IL1RL1: variants seen among roughly 807,000 people sequenced by gnomAD.
IL1RL1 encodes the protein interleukin 1 receptor like 1, also known as interleukin-1 receptor-like 1.
IL1RL1 carries 32 observed loss-of-function variants against 50.9 expected under a neutral mutation model. The ratio of observed to expected loss-of-function variants is 0.63; its 90% CI spans 0.47 to 0.84. The LOEUF (loss-of-function observed/expected upper bound fraction) is 0.84, where lower values mean the gene tolerates loss of function less well. Among genes scored for constraint, IL1RL1 ranks in the 40% least tolerant of loss-of-function variants. The pLI, the probability that IL1RL1 is intolerant of heterozygous loss-of-function variation, is 0.00. For missense variants in IL1RL1, 773 were observed against 662.9 expected (o/e 1.17, Z -1.82); for synonymous variants, 275 against 236.0 (o/e 1.17, Z -1.51).
At chr2:102,347,515 T>C (rs1475356195) in intron 8 of IL1RL1, among the ~76,000 whole-genome samples, 1 of 152,230 alleles carries the variant, frequency 6.6e-6, no homozygotes, top group Non-Finnish European at 1.5e-5. Flanking sequence ...ACTTCCTCTC[T>C]GCACTTAGGC....
chr2:102,344,694 G>T (rs1196335826), intron 8 of IL1RL1: 2 of 889,062 alleles, frequency 2.2e-6, no homozygotes, highest in Admixed American at 6.2e-5. Flanking sequence ...CTAAATATTT[G>T]TTGACTGAAT....
At chr2:102,312,077 T>C (rs1258788614) in intron 1 of IL1RL1, among the ~76,000 whole-genome samples, 6 of 90,410 alleles carry the variant, frequency 6.6e-5, no homozygotes, top group African/African-American at 8.7e-5. Context: ...ATTGTTATAA[T>C]GTTATAACAT....
At chr2:102,340,420 C>A in intron 4 of IL1RL1, 148 bp downstream of exon 4, 1 of 718,624 alleles carries the variant, frequency 1.4e-6, no homozygotes, top group South Asian at 2.0e-5. Flanking sequence ...TGAGACCAGC[C>A]TGGCCAACAT....
intron 1 of IL1RL1, among the ~76,000 whole-genome samples, chr2:102,330,418 A>G (rs1677144153): frequency 6.6e-6 from 1 of 152,206 alleles, no homozygotes; most frequent in Admixed American, 6.5e-5. Context: ...TGCAATACAC[A>G]AACATGGCAC....
chr2:102,340,127 A>T lies in IL1RL1; in HGVS notation c.302A>T (p.Asn101Ile), dbSNP rs748407532. Residue 101 changes from asparagine (N) to isoleucine (I), a missense_variant, in exon 4 of 11, where the codon AAT becomes ATT. Physicochemically the swap from Asn to Ile is moderately radical, Grantham distance 149 (BLOSUM62 -3). Transcript: ENST00000233954. ...ACATTCAATAGGACTGGATATGCGA[A>T]TGTCACCATATATAAAAAACAATCA... ...SPTFNRTGYA[N>I]VTIYKKQSDC... 2.5e-6 allele frequency: 4 copies of T among 1,578,488 alleles called. No homozygotes were observed. In the African/African-American group the frequency reaches 4.1e-5, roughly 16 times the overall value.
intron 1 of IL1RL1, among the ~76,000 whole-genome samples, chr2:102,318,589 C>T (rs1384126384): frequency 1.3e-5 from 2 of 152,150 alleles, no homozygotes; most frequent in African/African-American, 4.8e-5. Context: ...GCAGGTGTAA[C>T]TGCAAGAGTG....
intron 1 of IL1RL1, among the ~76,000 whole-genome samples, chr2:102,316,012 C>T (rs1338991784): frequency 6.6e-6 from 1 of 152,154 alleles, no homozygotes; most frequent in African/African-American, 2.4e-5. Context: ...TTCATCCTCC[C>T]CTTATCTCAG....
At chr2:102,325,580 T>C (rs1003754986) in intron 1 of IL1RL1, among the ~76,000 whole-genome samples, 15 of 151,992 alleles carry the variant, frequency 9.9e-5, no homozygotes, top group Non-Finnish European at 2.2e-4. Flanking sequence ...TTCGAACCCA[T>C]GGCAAAGAAG....
At chr2:102,311,976 ATATAATATATATTATATATAATATATTT>A (rs1559592158) in intron 1 of IL1RL1, among the ~76,000 whole-genome samples, 13 of 32,586 alleles carry the variant, frequency 4.0e-4, no homozygotes, top group East Asian at 9.0e-4. Context: ...ATAATATTAT[ATATAATATATATTATATATAATATATTT>A]ATATATATTA....
chr2:102,343,328 G>T lies in IL1RL1; in HGVS notation c.883G>T (p.Glu295Ter), dbSNP rs1287135546. 1.2e-6 allele frequency: 2 copies of T among 1,614,232 alleles called. No homozygotes were observed. Among genetic ancestry groups the T allele is most frequent in the South Asian group, 2.2e-5 (2 of 91,086 alleles). The stretch of plus-strand genomic sequence containing the variant: ...TTTAAGAATAGCTGACGTGAAGGAA[G>T]AGGATTTATTGCTGCAGTACGACTG... ...MVLRIADVKE[E>*]DLLLQYDCLA... The change falls in exon 8 of 11, where the codon GAG becomes TAG. Residue 295 changes from glutamate (E) to a stop codon, truncating the protein, a stop_gained. Transcript: ENST00000233954. LOFTEE classifies it high-confidence loss of function.
chr2:102,342,141 G>T (rs1288068603), intron 5 of IL1RL1, 82 bp from the exon 6 acceptor site: 25 of 933,238 alleles, frequency 2.7e-5, no homozygotes, highest in Non-Finnish European at 3.8e-5. Context: ...CTATGAAATA[G>T]AATAGAAACA....
At chr2:102,350,659 C>T (rs1347953422) in intron 10 of IL1RL1, among the ~76,000 whole-genome samples, 2 of 152,244 alleles carry the variant, frequency 1.3e-5, no homozygotes, top group African/African-American at 4.8e-5. Context: ...GAATCCATTG[C>T]ACCCTTGTCC....
intron 1 of IL1RL1, among the ~76,000 whole-genome samples, chr2:102,315,050 C>CT (rs1270508823): frequency 6.6e-5 from 10 of 152,180 alleles, no homozygotes; most frequent in East Asian, 5.8e-4. Context: ...GCTAGTCTGA[C>CT]TTTTTTTTCC....
At position 102,340,196 on chromosome 2, in the gene IL1RL1, G is replaced by T; in HGVS notation, c.371G>T (p.Gly124Val). 6.2e-7 allele frequency: 1 copy of T among 1,604,594 alleles called. No homozygotes were observed. The highest frequency in any genetic ancestry group is 1.8e-5 in the Admixed American group (1 of 56,920). ...PDYLMYSTVS[G>V]SEKNSKIYCP... ...TATTTGATGTATTCAACAGTATCTG[G>T]ATCAGAAAAAAATTCCAAAATTTAT... The change falls in exon 4 of 11, where the codon GGA becomes GTA. Residue 124 changes from glycine (G) to valine (V), a missense_variant. By Grantham distance (109) the Gly-to-Val change is moderately radical. Transcript: ENST00000233954.
At chr2:102,335,780 G>A (rs1459734666) in intron 1 of IL1RL1, among the ~76,000 whole-genome samples, 3 of 152,160 alleles carry the variant, frequency 2.0e-5, no homozygotes, top group African/African-American at 7.2e-5. Context: ...AGAATTCCGA[G>A]TTTGTGTTAT....
At chr2:102,329,650 C>T (rs1194559271) in intron 1 of IL1RL1, among the ~76,000 whole-genome samples, 1 of 152,006 alleles carries the variant, frequency 6.6e-6, no homozygotes, top group Non-Finnish European at 1.5e-5. Context: ...AAGAAAAAAA[C>T]AAACAACCCC....
intron 1 of IL1RL1, among the ~76,000 whole-genome samples, chr2:102,328,287 C>T (rs566649582): frequency 5.9e-5 from 9 of 152,182 alleles, no homozygotes; most frequent in Admixed American, 5.9e-4. Flanking sequence ...CAGAAAAGGC[C>T]TTTGACAAAA....
In IL1RL1 at chr2:102,340,084, A is replaced by T; in HGVS notation, c.273-14A>T. The stretch of plus-strand genomic sequence containing the variant: ...GCTAAGTGACTCTTTTAATTGTCTG[A>T]CTTATTTTAACAGTCCCACATTCAA... On this transcript the variant is annotated splice_polypyrimidine_tract_variant and intron_variant, in intron 3 of 10. Coordinates refer to ENST00000233954, the MANE Select transcript of IL1RL1 (RefSeq NM_016232.5). 6.9e-7 allele frequency: 1 copy of T among 1,451,508 alleles called. No homozygotes were observed. Among genetic ancestry groups the T allele is most frequent in the South Asian group, 1.5e-5 (1 of 67,512 alleles). 89.9% of individuals were successfully genotyped at this position (1,451,508 alleles called of 1,614,324 possible).
At chr2:102,321,244 T>C (rs2104963754) in intron 1 of IL1RL1, among the ~76,000 whole-genome samples, 1 of 152,266 alleles carries the variant, frequency 6.6e-6, no homozygotes, top group Admixed American at 6.5e-5. Context: ...CTTTTGTAAC[T>C]TTTTTTTATT....
Sources: allele counts gnomAD v4.1 joint callset (sites outside exome capture counted in the v4.1 genomes callset), GRCh38; gene constraint gnomAD v4.1.1; transcripts MANE v1.5; gene names NCBI Gene and HGNC (gene_info 2026-07-23, HGNC 2026-07-21).